Variants in ZP4 observed in about 807,000 individuals in gnomAD.
ZP4 encodes zona pellucida sperm-binding protein 4.
A neutral mutation model predicts 62.3 loss-of-function variants in ZP4; 62 were observed. The ratio of observed to expected loss-of-function variants is 0.99; its 90% CI spans 0.81 to 1.23. ZP4 has a LOEUF of 1.23. Among genes scored for constraint, ZP4 ranks in the 50% most tolerant of loss-of-function variants. The pLI, the probability that ZP4 is intolerant of heterozygous loss-of-function variation, is 0.00. For synonymous variants in ZP4, 289 were observed against 247.3 expected (o/e 1.17, Z -1.58); for missense variants, 774 against 656.0 (o/e 1.18, Z -1.97).
At chr1:237,888,180 A>G (rs1468090461) in intron 4 of ZP4, among the ~76,000 whole-genome samples, 178 bp downstream of exon 4, 1 of 152,248 alleles carries the variant, frequency 6.6e-6, no homozygotes, top group Non-Finnish European at 1.5e-5. Context: ...GGATTCTGGG[A>G]GAATGGACAG....
Position 237,889,894 on chromosome 1 carries a change from G to A in ZP4, c.373C>T (p.Leu125=), listed in dbSNP as rs1345363286. Residue 125 remains leucine, a synonymous_variant, in exon 3 of 12, where the codon CTG becomes TTG. Coordinates refer to ENST00000366570, the MANE Select transcript of ZP4 (RefSeq NM_021186.5). ...AEHKVVTERK[L]LKCPMDLLAR... is the part of the protein sequence containing the mutation. The stretch of plus-strand genomic sequence containing the variant: ...AGAAGATCCATAGGACACTTGAGCA[G>A]CTTCCTCTCTGTAACCACCTTGTGT... 6.2e-7 allele frequency: 1 copy of A among 1,613,284 alleles called. No homozygotes were observed. Among genetic ancestry groups the A allele is most frequent in the South Asian group, 1.1e-5 (1 of 91,058 alleles).
At chr1:237,887,223 A>T in intron 5 of ZP4, 151 bp downstream of exon 5, 1 of 843,028 alleles carries the variant, frequency 1.2e-6, no homozygotes, top group South Asian at 1.7e-5. Flanking sequence ...TTTTTCAGTG[A>T]TGAGGCATTC....
intron 4 of ZP4, 56 bp from the exon 5 acceptor site, chr1:237,887,617 C>T: frequency 6.5e-7 from 1 of 1,540,340 alleles, no homozygotes. Context: ...TGGGGAGAAC[C>T]AGATGAAAGT....
intron 10 of ZP4, among the ~76,000 whole-genome samples, chr1:237,884,011 C>CAAACACACACAA (rs1558530982): frequency 2.4e-5 from 2 of 83,550 alleles, no homozygotes. Flanking sequence ...CACACACACA[C>CAAACACACACAA]ACACAAACAC....
Position 237,888,290 on chromosome 1 carries a change from CCT to C in ZP4, c.553+66_553+67del, listed in dbSNP as rs112423399. On this transcript the variant is annotated intron_variant, in intron 4 of 11. Transcript: ENST00000366570. ...TTGATGTTTGCCTTCTGAGCAAACC[CCT>C]CTCTGGGTTTCATTGTAATTGCCAC... 9.2e-4 allele frequency: 1,334 copies of C among 1,448,450 alleles called. 17 individuals are homozygous for C. The African/African-American group carries it at 0.016, about 18-fold the overall frequency. The allele number at this position is 1,448,450 out of a possible 1,614,324, so 89.7% of individuals were successfully genotyped here.
chr1:237,885,632 G>C (rs772082689), intron 7 of ZP4, 52 bp from the exon 8 acceptor site: 7 of 1,599,422 alleles, frequency 4.4e-6, no homozygotes, highest in Non-Finnish European at 6.0e-6. Context: ...AGTGACTTGA[G>C]GGACTGTCAC....
At position 237,885,863 on chromosome 1, in the gene ZP4, G is replaced by A; in HGVS notation, c.863C>T (p.Ser288Leu). The A allele has an allele frequency of 6.2e-7, 1 of 1,614,164 alleles. No individual in the cohort carries two copies. Among genetic ancestry groups the A allele is most frequent in the South Asian group, 1.1e-5 (1 of 91,070 alleles). The change falls in exon 7 of 12, where the codon TCA (serine) becomes TTA (leucine). Residue 288 changes from serine (S) to leucine (L), a missense_variant. Coordinates refer to ENST00000366570, the MANE Select transcript of ZP4 (RefSeq NM_021186.5). ...GATTGGGAGAGAGTTGCTACTTACT[G>A]AGTAGCTGCAGCTGACATGGAGCCT... ...IFRLHVSCSY[S>L]VSSNSLPINV...
intron 4 of ZP4, 39 bp from the exon 5 acceptor site, chr1:237,887,600 C>T: frequency 6.3e-7 from 1 of 1,591,358 alleles, no homozygotes; most frequent in Non-Finnish European, 8.6e-7. Context: ...GGTCATCTCT[C>T]CCATTGTGGG....
In ZP4 at chr1:237,886,871, A is replaced by C; in HGVS notation, c.742-3T>G. 4.3e-6 allele frequency: 7 copies of C among 1,611,924 alleles called. No individual in the cohort carries two copies. Among genetic ancestry groups the C allele is most frequent in the Non-Finnish European group, 5.9e-6 (7 of 1,178,178 alleles). On this transcript the variant is annotated splice_polypyrimidine_tract_variant and splice_region_variant and intron_variant, in intron 5 of 11. Transcript: ENST00000366570. ...TATACTGCTCGGTCTCCAGTGATCT[A>C]CAGGAATAGATGGAGAAGTCTTGAT...
chr1:237,883,723 G>A (rs1341391042), intron 10 of ZP4, among the ~76,000 whole-genome samples: 1,175 of 53,706 alleles, frequency 0.022, 364 homozygotes, highest in African/African-American at 0.12. Context: ...GCGGGGGAGG[G>A]CGGGGGAGGG....
At chr1:237,884,023 C>CACACACACAAACACACACAA (rs1558531128) in intron 10 of ZP4, among the ~76,000 whole-genome samples, 23 of 65,220 alleles carry the variant, frequency 3.5e-4, no homozygotes, top group South Asian at 1.1e-3. Context: ...CACAAACACA[C>CACACACACAAACACACACAA]ACACACACAA....
At chr1:237,886,238 G>T (rs1465704379) in intron 6 of ZP4, among the ~76,000 whole-genome samples, 1 of 152,198 alleles carries the variant, frequency 6.6e-6, no homozygotes, top group African/African-American at 2.4e-5. Context: ...TGGAGGCAAG[G>T]AAGTGCTTGA....
chr1:237,884,005 C>CACACAA (rs1665022109), intron 10 of ZP4, among the ~76,000 whole-genome samples: 3 of 95,784 alleles, frequency 3.1e-5, no homozygotes, highest in African/African-American at 1.2e-4. Context: ...CACACACACA[C>CACACAA]ACACACACAC....
At chr1:237,890,025 C>T (rs1665202578) in intron 2 of ZP4, 30 bp downstream of exon 2, 1 of 1,614,204 alleles carries the variant, frequency 6.2e-7, no homozygotes. Context: ...GCGCTTCACA[C>T]AGTCTCCCTG....
chr1:237,885,159 T>A lies in ZP4; in HGVS notation c.1311+6A>T. ...CTGGTGAGTGTCATGGAAGGGAACA[T>A]CCTACCGGTCCCCTGAGGGCCTGTT... On this transcript the variant is annotated splice_donor_region_variant and intron_variant, in intron 9 of 11. Transcript: ENST00000366570. 1.2e-6 allele frequency: 2 copies of A among 1,612,608 alleles called. No individual in the cohort carries two copies. The highest frequency in any genetic ancestry group is 1.7e-6 in the Non-Finnish European group (2 of 1,179,320).
At chr1:237,883,409 A>G (rs893327680) in intron 10 of ZP4, among the ~76,000 whole-genome samples, 2 of 151,092 alleles carry the variant, frequency 1.3e-5, no homozygotes, top group East Asian at 3.9e-4. Context: ...ATAAAGATCC[A>G]TCTCTATAAA....
rs746546963 is a variant in ZP4, at chr1:237,889,964, G to T, written c.303C>A (p.Ser101=). The change falls in exon 3 of 12, where the codon TCC becomes TCA. Residue 101 remains serine (S), a synonymous_variant. Coordinates refer to ENST00000366570, the MANE Select transcript of ZP4 (RefSeq NM_021186.5). ...YSSCYVTEWD[S]HYIMPVGVEG... ...CAACTCCAACTGGCATGATGTAGTG[G>T]GAGTCCTGGAGAGACAGGCCCTTGG... The T allele has an allele frequency of 6.2e-6, 10 of 1,614,038 alleles. No individual in the cohort carries two copies. Among genetic ancestry groups the T allele is most frequent in the Non-Finnish European group, 1.7e-6 (2 of 1,180,040 alleles).
At position 237,885,768 on chromosome 1, in the gene ZP4, G is replaced by T. The variant is rs1310590576; in HGVS notation, c.958C>A (p.Gln320Lys). 1 of 1,614,076 alleles carries T rather than the reference G, an allele frequency of 6.2e-7. No homozygotes were observed. Among genetic ancestry groups the T allele is most frequent in the Admixed American group, 1.7e-5 (1 of 60,004 alleles). ...AAGGGGGTCATACCTTTGGCAATCT[G>T]AAGTTCCAGAGTGAGGGGTCCAGGC... ...TQPGPLTLELQIAKDKNYGSY... is the reference protein window; with the variant it reads ...TQPGPLTLELKIAKDKNYGSY... The change falls in exon 7 of 12, where the codon CAG becomes AAG. Residue 320 changes from glutamine (Q) to lysine (K), a missense_variant. Physicochemically the swap from Gln to Lys is moderately conservative, Grantham distance 53. Transcript: ENST00000366570.
intron 7 of ZP4, 59 bp downstream of exon 7, chr1:237,885,697 A>G (rs930604148): frequency 2.5e-6 from 4 of 1,601,776 alleles, no homozygotes; most frequent in Admixed American, 3.4e-5. Context: ...TAGGGTCTTC[A>G]TGCCCCAGAA....
Sources: gnomAD v4.1 joint callset for allele counts (sites outside exome capture counted in the v4.1 genomes callset) on GRCh38, gnomAD v4.1.1 for gene constraint, MANE v1.5 for transcripts, NCBI Gene and HGNC (gene_info 2026-07-23, HGNC 2026-07-21) for gene names.